Variants in PRKDC observed in about 807,000 individuals in gnomAD.
PRKDC encodes the protein DNA-dependent protein kinase catalytic subunit.
In PRKDC, 82 loss-of-function variants were observed where a neutral mutation model predicts 486.9. The observed-to-expected ratio is 0.17, with a 90% CI of 0.14 to 0.20. The LOEUF (loss-of-function observed/expected upper bound fraction) is 0.20, where lower values mean the gene tolerates loss of function less well. PRKDC is among the 10% of genes least tolerant of loss of function. The pLI is 1.00. For synonymous variants in PRKDC, 1,895 were observed against 1,837.0 expected (o/e 1.03, Z -0.81); for missense variants, 4,504 against 5,038.2 (o/e 0.89, Z 3.21).
chr8:47,877,017 A>G (rs2089105560), intron 40 of PRKDC, among the ~76,000 whole-genome samples: 1 of 152,236 alleles, frequency 6.6e-6, no homozygotes, highest in African/African-American at 2.4e-5. Context: ...AGTCTTGCCA[A>G]AATTTCAACC....
At chr8:47,831,142 C>A (rs1241045040) in intron 60 of PRKDC, among the ~76,000 whole-genome samples, 1 of 152,172 alleles carries the variant, frequency 6.6e-6, no homozygotes, top group Non-Finnish European at 1.5e-5. Flanking sequence ...AAGCTCCCCT[C>A]CGAGGGGGCA....
Position 47,794,369 on chromosome 8 carries a change from A to G in PRKDC, c.10591T>C (p.Tyr3531His). 1 of 1,613,908 alleles carries G rather than the reference A, an allele frequency of 6.2e-7. No individual in the cohort carries two copies. Among genetic ancestry groups the G allele is most frequent in the Non-Finnish European group, 8.5e-7 (1 of 1,179,844 alleles). The change falls in exon 74 of 86, where the codon TAT becomes CAT. Residue 3531 changes from tyrosine (Y) to histidine (H), a missense_variant. By Grantham distance (83) the Tyr-to-His change is moderately conservative (BLOSUM62 2). Coordinates refer to ENST00000314191, the MANE Select transcript of PRKDC (RefSeq NM_006904.7). ...ITDNYPQAIV[Y>H]PFIISSESYS... ...CTTTCGCTGCTTATGATGAAGGGAT[A>G]AACAATAGCCTGCGGGTAGTTATCA...
intron 43 of PRKDC, 39 bp from the exon 44 acceptor site, chr8:47,862,166 T>C (rs757874091): frequency 2.7e-6 from 4 of 1,497,834 alleles, no homozygotes; most frequent in Non-Finnish European, 2.7e-6. Flanking sequence ...AGCTGAATGG[T>C]GAAGATCCTC....
At chr8:47,892,313 A>T (rs529141521) in intron 31 of PRKDC, among the ~76,000 whole-genome samples, 4 of 152,278 alleles carry the variant, frequency 2.6e-5, no homozygotes, top group Non-Finnish European at 2.9e-5. Flanking sequence ...TGCACTAATA[A>T]CAAATATAAT....
At chr8:47,911,468 A>C (rs1480997256) in intron 25 of PRKDC, among the ~76,000 whole-genome samples, 1 of 152,362 alleles carries the variant, frequency 6.6e-6, no homozygotes, top group Admixed American at 6.5e-5. Flanking sequence ...TTGCTACGTT[A>C]AATCTATTTC....
Position 47,800,908 on chromosome 8 carries a change from T to G in PRKDC, c.10001A>C (p.Tyr3334Ser). ...GCTGAGAGCATTCGCTATGATCCTGTAAGTTGTACCCAAGAGAATGTTCTG... is the reference window on the plus strand; with the variant it reads ...GCTGAGAGCATTCGCTATGATCCTGGAAGTTGTACCCAAGAGAATGTTCTG... Reference protein sequence around the residue: ...RDQNILLGTTYRIIANALSSE... With the variant: ...RDQNILLGTTSRIIANALSSE... The change falls in exon 71 of 86, where the codon TAC becomes TCC. Residue 3334 changes from tyrosine to serine, a missense_variant. Coordinates refer to ENST00000314191, the MANE Select transcript of PRKDC (RefSeq NM_006904.7). The G allele has an allele frequency of 6.2e-7, 1 of 1,613,978 alleles. No homozygotes were observed. Among genetic ancestry groups the G allele is most frequent in the Non-Finnish European group, 8.5e-7 (1 of 1,179,884 alleles).
chr8:47,837,191 T>G (rs373595897), intron 57 of PRKDC, 21 bp downstream of exon 57: 2 of 1,592,052 alleles, frequency 1.3e-6, no homozygotes, highest in Non-Finnish European at 1.7e-6. Flanking sequence ...TTCACTACTA[T>G]GAGAGAGAAG....
intron 29 of PRKDC, 103 bp downstream of exon 29, chr8:47,898,363 GAAGT>G: frequency 1.1e-6 from 1 of 876,276 alleles, no homozygotes; most frequent in Non-Finnish European, 1.8e-6. Flanking sequence ...CCTTGTTTAG[GAAGT>G]AATTCCTTAT....
chr8:47,862,386 T>C lies in PRKDC; in HGVS notation c.5906A>G (p.Glu1969Gly). Residue 1969 changes from glutamate to glycine, a missense_variant, in exon 43 of 86, where the codon GAA becomes GGA. Glu to Gly is a moderately conservative substitution (Grantham distance 98). Transcript: ENST00000314191. ...GGAGTGGCCTACCTTTTCTGGTTTT[T>C]CACTAAACAGAAAACCTTGGTAAAA... ...LKFYQGFLFS[E>G]KPEKNLLIFE... The C allele has an allele frequency of 6.2e-7, 1 of 1,613,964 alleles. No homozygotes were observed. Among genetic ancestry groups the C allele is most frequent in the African/African-American group, 1.3e-5 (1 of 75,054 alleles).
chr8:47,911,138 C>T (rs2089894504), intron 25 of PRKDC, among the ~76,000 whole-genome samples: 1 of 152,192 alleles, frequency 6.6e-6, no homozygotes, highest in African/African-American at 2.4e-5. Context: ...GGGCTGATAT[C>T]CTAGCCTTAC....
In PRKDC at chr8:47,908,037, G is replaced by A. The variant is rs550751661; in HGVS notation, c.2935-3061C>T. Reference sequence around the variant, plus strand: ...ACTACCATACAGAGTGGAGAGTCCTGAGCACACTGTTTAAGCAGCTCTCTT... The same window carrying A: ...ACTACCATACAGAGTGGAGAGTCCTAAGCACACTGTTTAAGCAGCTCTCTT... On this transcript the variant is annotated intron_variant, in intron 25 of 85. Transcript: ENST00000314191. 3.3e-5 allele frequency among the ~76,000 whole-genome samples: 5 copies of A among 152,274 alleles called. No individual in the cohort carries two copies. In the South Asian group the frequency reaches 8.3e-4, roughly 25 times the overall value.
intron 52 of PRKDC, among the ~76,000 whole-genome samples, chr8:47,851,328 G>A (rs1284825885): frequency 1.3e-5 from 2 of 152,184 alleles, no homozygotes; most frequent in African/African-American, 4.8e-5. Context: ...ATTTAGGGAT[G>A]TTAGAATCAT....
intron 61 of PRKDC, 79 bp downstream of exon 61, chr8:47,830,526 T>C (rs780355401): frequency 2.6e-5 from 40 of 1,556,418 alleles, no homozygotes; most frequent in African/African-American, 5.4e-5. Context: ...GCCTCAGCCA[T>C]GTTTCCTCAC....
At chr8:47,791,446 C>T (rs775200749) in intron 74 of PRKDC, among the ~76,000 whole-genome samples, 2 of 152,040 alleles carry the variant, frequency 1.3e-5, no homozygotes, top group African/African-American at 2.4e-5. Flanking sequence ...CTGCACTCTA[C>T]CCTGGGCAAC....
chr8:47,938,324 T>C (rs903088135), intron 11 of PRKDC, among the ~76,000 whole-genome samples: 2 of 151,336 alleles, frequency 1.3e-5, no homozygotes, highest in African/African-American at 4.9e-5. Context: ...GGCAGGAGAA[T>C]TGCTTGAACC....
At chr8:47,890,201 C>T (rs1033067808) in intron 32 of PRKDC, 56 bp downstream of exon 32, 2 of 1,255,650 alleles carry the variant, frequency 1.6e-6, no homozygotes, top group African/African-American at 3.0e-5. Context: ...TAACAGAAAC[C>T]TTTGAAGTAG....
intron 21 of PRKDC, among the ~76,000 whole-genome samples, chr8:47,922,377 CAGG>C (rs1478238291): frequency 6.6e-5 from 10 of 151,962 alleles, no homozygotes; most frequent in Non-Finnish European, 1.5e-4. Context: ...GAAGCTGAGG[CAGG>C]AGAACTGCTT....
chr8:47,915,892 T>C (rs2089974863), intron 22 of PRKDC, among the ~76,000 whole-genome samples: 1 of 152,228 alleles, frequency 6.6e-6, no homozygotes, highest in South Asian at 2.1e-4. Flanking sequence ...ACACCAAAAC[T>C]GAACCAGCGT....
chr8:47,915,467 T>C, intron 22 of PRKDC, 49 bp from the exon 23 acceptor site: 7 of 1,154,042 alleles, frequency 6.1e-6, no homozygotes, highest in Non-Finnish European at 8.5e-6. Context: ...GGGTTAAAGA[T>C]TAAATAGAAG....
Sources: allele counts gnomAD v4.1 joint callset (sites outside exome capture counted in the v4.1 genomes callset), GRCh38; gene constraint gnomAD v4.1.1; transcripts MANE v1.5; gene names NCBI Gene and HGNC (gene_info 2026-07-23, HGNC 2026-07-21).